Variants in WFDC1 observed in about 807,000 individuals in gnomAD.
WFDC1 encodes the protein WAP four-disulfide core domain protein 1.
A neutral mutation model predicts 32.9 loss-of-function variants in WFDC1; 39 were observed. That is an observed-to-expected ratio of 1.19 (90% CI 0.92 to 1.55). The LOEUF (loss-of-function observed/expected upper bound fraction) is 1.55. Ranked by LOEUF, WFDC1 falls within the 40% of genes most tolerant of loss-of-function variation. WFDC1 has a pLI of 0.00. For synonymous variants in WFDC1, 184 were observed against 137.4 expected (o/e 1.34, Z -2.37); for missense variants, 386 against 309.5 (o/e 1.25, Z -1.85).
chr16:84,297,169 C>A (rs1906645672), intron 1 of WFDC1, among the ~76,000 whole-genome samples: 1 of 152,120 alleles, frequency 6.6e-6, no homozygotes, highest in African/African-American at 2.4e-5. Flanking sequence ...AAAACACAGG[C>A]CTGGGTGGGC....
rs750504286 is a variant in WFDC1, at chr16:84,326,872, C to T, written c.605-10C>T. The T allele has an allele frequency of 1.2e-6, 2 of 1,614,014 alleles. No homozygotes were observed. Among genetic ancestry groups the T allele is most frequent in the South Asian group, 1.1e-5 (1 of 91,072 alleles). The stretch of plus-strand genomic sequence containing the variant: ...ACATCTACCCCAACAGAGCTGTGTT[C>T]TTTTCACAGAAGGTGACTCAAAGAA... On this transcript the variant is annotated splice_polypyrimidine_tract_variant and intron_variant, in intron 5 of 6. Coordinates refer to ENST00000219454, the MANE Select transcript of WFDC1 (RefSeq NM_021197.4).
At chr16:84,325,315 G>C (rs1908527465) in intron 5 of WFDC1, among the ~76,000 whole-genome samples, 1 of 151,574 alleles carries the variant, frequency 6.6e-6, no homozygotes, top group Admixed American at 6.6e-5. Context: ...CAGTTCTCCT[G>C]CGTCAGCCTC....
intron 2 of WFDC1, among the ~76,000 whole-genome samples, chr16:84,313,795 T>C (rs1025446316): frequency 6.6e-6 from 1 of 152,054 alleles, no homozygotes; most frequent in African/African-American, 2.4e-5. Flanking sequence ...CTTTCTTGAG[T>C]CTCCTCTCCT....
intron 4 of WFDC1, 30 bp downstream of exon 4, chr16:84,319,601 G>A (rs759395492): frequency 6.2e-7 from 1 of 1,606,412 alleles, no homozygotes; most frequent in East Asian, 2.2e-5. Flanking sequence ...CCTGATCCTG[G>A]CTCCTGCCCC....
At chr16:84,295,159 G>A (rs1369693012) in intron 1 of WFDC1, 44 bp downstream of exon 1, 4 of 1,604,546 alleles carry the variant, frequency 2.5e-6, no homozygotes, top group Non-Finnish European at 3.4e-6. Context: ...TGTGTGGGTG[G>A]GAGTCAGCCT....
intron 1 of WFDC1, among the ~76,000 whole-genome samples, chr16:84,307,879 A>C (rs140923759): frequency 1.3e-3 from 195 of 152,222 alleles, no homozygotes; most frequent in African/African-American, 4.4e-3. Context: ...TGCGGCTGGA[A>C]AGTTATTGGT....
intron 1 of WFDC1, among the ~76,000 whole-genome samples, chr16:84,311,670 A>G (rs1405553857): frequency 1.4e-5 from 2 of 141,304 alleles, no homozygotes; most frequent in African/African-American, 5.2e-5. Flanking sequence ...CTGGGACTAC[A>G]GGAGAGAATG....
chr16:84,323,815 T>C (rs1908436667), intron 4 of WFDC1, among the ~76,000 whole-genome samples: 2 of 152,218 alleles, frequency 1.3e-5, no homozygotes, highest in Admixed American at 1.3e-4. Flanking sequence ...TGGCTTCCAG[T>C]TCATCTGTTA....
chr16:84,324,973 A>G (rs950102865), intron 5 of WFDC1, among the ~76,000 whole-genome samples: 21 of 151,386 alleles, frequency 1.4e-4, no homozygotes, highest in African/African-American at 5.1e-4. Flanking sequence ...TCCTCTATCA[A>G]TCTATTCATC....
intron 4 of WFDC1, among the ~76,000 whole-genome samples, chr16:84,320,677 A>T (rs1597691322): frequency 6.6e-6 from 1 of 152,208 alleles, no homozygotes; most frequent in South Asian, 2.1e-4. Context: ...CTGGGACTTC[A>T]GGGTGGCCAG....
intron 2 of WFDC1, 61 bp downstream of exon 2, chr16:84,313,214 G>A (rs1907750029): frequency 3.8e-6 from 5 of 1,323,106 alleles, no homozygotes; most frequent in Non-Finnish European, 4.8e-6. Context: ...GAGCTGTCCC[G>A]GGGGAGGGGA....
intron 2 of WFDC1, 46 bp downstream of exon 2, chr16:84,313,199 G>T (rs900101920): frequency 1.5e-6 from 2 of 1,374,566 alleles, no homozygotes; most frequent in South Asian, 1.7e-5. Context: ...GAGGACAGGT[G>T]AACAGAGCTG....
chr16:84,321,173 C>A (rs570582855), intron 4 of WFDC1, among the ~76,000 whole-genome samples: 11 of 152,204 alleles, frequency 7.2e-5, no homozygotes, highest in Non-Finnish European at 1.0e-4. Flanking sequence ...AATAACATAA[C>A]CTTTTCAGGC....
chr16:84,328,986 C>A (rs1377448973), intron 6 of WFDC1: 1 of 151,822 alleles, frequency 6.6e-6, no homozygotes, highest in Non-Finnish European at 1.5e-5. Flanking sequence ...TTGGAGCAAG[C>A]TAGGTCTGGG....
intron 5 of WFDC1, chr16:84,326,559 A>G (rs1908613245): frequency 3.3e-6 from 1 of 303,650 alleles, no homozygotes; most frequent in South Asian, 5.9e-5. Context: ...CAGCCTAAAG[A>G]ATAAGAAATA....
chr16:84,312,316 C>T (rs1907680793), intron 1 of WFDC1, among the ~76,000 whole-genome samples: 1 of 152,156 alleles, frequency 6.6e-6, no homozygotes, highest in African/African-American at 2.4e-5. Context: ...CCACGTGTTC[C>T]CAGCCAGTCA....
chr16:84,324,762 A>C (rs74685921), intron 5 of WFDC1, among the ~76,000 whole-genome samples: 3,299 of 152,176 alleles, frequency 0.022, 113 homozygotes, highest in African/African-American at 0.075. Context: ...TCTTCCATTC[A>C]TCCATCTAAT....
At chr16:84,314,819 T>C (rs972439040) in intron 2 of WFDC1, among the ~76,000 whole-genome samples, 2 of 152,200 alleles carry the variant, frequency 1.3e-5, no homozygotes, top group Admixed American at 1.3e-4. Flanking sequence ...TGCCCCTTCC[T>C]CTGGAATGTG....
chr16:84,302,840 G>A (rs1186760069), intron 1 of WFDC1, among the ~76,000 whole-genome samples: 7 of 152,094 alleles, frequency 4.6e-5, no homozygotes, highest in Non-Finnish European at 1.0e-4. Context: ...CCCAGCGCCC[G>A]AAACCCAGTG....
Sources: allele counts gnomAD v4.1 joint callset (sites outside exome capture counted in the v4.1 genomes callset), GRCh38; gene constraint gnomAD v4.1.1; transcripts MANE v1.5; gene names NCBI Gene and HGNC (gene_info 2026-07-23, HGNC 2026-07-21).